GRIP1: variants seen among roughly 807,000 people sequenced by gnomAD.
GRIP1 encodes glutamate receptor-interacting protein 1.
In GRIP1, 45 loss-of-function variants were observed where a neutral mutation model predicts 129.9. The observed-to-expected ratio is 0.35, with a 90% CI of 0.27 to 0.44. The LOEUF (loss-of-function observed/expected upper bound fraction) is 0.44. GRIP1 is among the 20% of genes least tolerant of loss of function. The pLI is 1.00. For missense variants in GRIP1, 1,196 were observed against 1,396.8 expected (o/e 0.86, Z 2.29); for synonymous variants, 530 against 520.8 (o/e 1.02, Z -0.24).
At position 66,761,649 on chromosome 12, in the gene GRIP1, T is replaced by A. The variant is rs562639724; in HGVS notation, c.-420+42404A>T. Among the ~76,000 whole-genome samples the A allele has an allele frequency of 6.6e-5, 10 of 152,330 alleles. No individual in the cohort carries two copies. The East Asian group carries it at 1.9e-3, about 29-fold the overall frequency. On this transcript the variant is annotated intron_variant, in intron 1 of 4. Transcript: ENST00000538373. ...GCTTCTCAAGGACAGGTATTTCATATTGACCTGTGCCTTTCCTTTGGAGTC... is the reference window on the plus strand; with the variant it reads ...GCTTCTCAAGGACAGGTATTTCATAATGACCTGTGCCTTTCCTTTGGAGTC...
At chr12:66,668,781 A>T (rs200642078) in intron 1 of GRIP1, among the ~76,000 whole-genome samples, 15 of 151,938 alleles carry the variant, frequency 9.9e-5, no homozygotes, top group South Asian at 2.1e-4. Context: ...AAAGAAAAAA[A>T]AATAATAATA....
chr12:67,011,927 A>G (rs1358800176), intron 1 of GRIP1, among the ~76,000 whole-genome samples: 4 of 152,118 alleles, frequency 2.6e-5, no homozygotes, highest in Admixed American at 2.6e-4. Context: ...TTCTAATGAA[A>G]CTTTATTTAC....
At chr12:66,352,533 G>A (rs1486220003) in intron 24 of GRIP1, among the ~76,000 whole-genome samples, 1 of 152,116 alleles carries the variant, frequency 6.6e-6, no homozygotes, top group Non-Finnish European at 1.5e-5. Context: ...AGGAGTATGA[G>A]ACCAGCCTGG....
intron 1 of GRIP1, among the ~76,000 whole-genome samples, chr12:66,972,871 T>TA (rs2042094012): frequency 6.6e-6 from 1 of 152,180 alleles, no homozygotes; most frequent in Non-Finnish European, 1.5e-5. Flanking sequence ...GCACATTATT[T>TA]AGAGGAGAGC....
rs1466024882 is a variant in GRIP1 at position 66,754,264 on chromosome 12, A to T, written c.-420+49789T>A. On this transcript the variant is annotated intron_variant, in intron 1 of 4. Transcript: ENST00000538373. ...CAAGTAACTGAAAAAAGGTCTGCTG[A>T]ACAAATGTTAAAACTGAAAATCTGC... Among the ~76,000 whole-genome samples, 3 of 152,216 alleles carry T rather than the reference A, an allele frequency of 2.0e-5. No individual in the cohort carries two copies. The South Asian group carries it at 6.2e-4, about 31-fold the overall frequency.
intron 1 of GRIP1, among the ~76,000 whole-genome samples, chr12:66,873,525 T>C (rs1022859912): frequency 1.6e-4 from 25 of 152,126 alleles, no homozygotes; most frequent in African/African-American, 5.8e-4. Flanking sequence ...CGAAAGGGTA[T>C]GCAGACATTC....
intron 1 of GRIP1, among the ~76,000 whole-genome samples, chr12:66,864,370 G>A (rs895942165): frequency 3.3e-5 from 5 of 152,040 alleles, no homozygotes; most frequent in Admixed American, 6.5e-5. Flanking sequence ...ACACTAGGTC[G>A]ACAAAGATCA....
chr12:66,999,821 T>C (rs1480309528), intron 1 of GRIP1, among the ~76,000 whole-genome samples: 6 of 152,184 alleles, frequency 3.9e-5, no homozygotes, highest in Non-Finnish European at 8.8e-5. Context: ...TCCTTGGTCA[T>C]AGTGTGAGAT....
At chr12:67,005,264 C>T (rs2042610273) in intron 1 of GRIP1, among the ~76,000 whole-genome samples, 2 of 152,134 alleles carry the variant, frequency 1.3e-5, no homozygotes, top group Admixed American at 6.6e-5. Context: ...TCTTCCATAG[C>T]TAATCTAAAT....
chr12:66,885,420 G>A (rs1365163154), intron 1 of GRIP1, among the ~76,000 whole-genome samples: 3 of 152,262 alleles, frequency 2.0e-5, no homozygotes, highest in African/African-American at 7.2e-5. Context: ...TCTCAGGATG[G>A]TCTGAGACAA....
chr12:66,895,718 C>T (rs1220508946), intron 1 of GRIP1, among the ~76,000 whole-genome samples: 1 of 152,188 alleles, frequency 6.6e-6, no homozygotes, highest in African/African-American at 2.4e-5. Flanking sequence ...CCACTACCTC[C>T]TGCAGTTAAT....
intron 13 of GRIP1, among the ~76,000 whole-genome samples, chr12:66,434,223 C>T (rs768745025): frequency 2.6e-5 from 4 of 152,138 alleles, no homozygotes; most frequent in Non-Finnish European, 5.9e-5. Context: ...AAAAAGGATC[C>T]CCAGACTGGC....
intron 1 of GRIP1, among the ~76,000 whole-genome samples, chr12:66,783,170 A>G (rs907272238): frequency 6.6e-6 from 1 of 152,096 alleles, no homozygotes; most frequent in African/African-American, 2.4e-5. Flanking sequence ...AGCTAGGATT[A>G]CAGGCATGCA....
intron 4 of GRIP1, among the ~76,000 whole-genome samples, chr12:66,532,532 T>A (rs887784766): frequency 6.6e-6 from 1 of 152,212 alleles, no homozygotes; most frequent in Non-Finnish European, 1.5e-5. Context: ...CAATAGGAGT[T>A]GTGAACTTTC....
intron 1 of GRIP1, among the ~76,000 whole-genome samples, chr12:66,932,738 G>A (rs1034957090): frequency 3.3e-5 from 5 of 151,914 alleles, no homozygotes; most frequent in African/African-American, 7.3e-5. Flanking sequence ...GCATGATCTC[G>A]GCTCATTGCA....
chr12:66,882,793 T>C (rs1475668317), intron 1 of GRIP1, among the ~76,000 whole-genome samples: 1 of 152,184 alleles, frequency 6.6e-6, no homozygotes, highest in Non-Finnish European at 1.5e-5. Flanking sequence ...TGGTCTCCTT[T>C]TAGCTTCACA....
At chr12:66,924,469 T>C (rs1483081778) in intron 1 of GRIP1, among the ~76,000 whole-genome samples, 3 of 152,218 alleles carry the variant, frequency 2.0e-5, no homozygotes, top group African/African-American at 7.2e-5. Flanking sequence ...CATCATTAGC[T>C]GAAAGAGGCA....
chr12:66,806,957 C>T (rs2039006000), upstream of GRIP1, among the ~76,000 whole-genome samples: 1 of 151,890 alleles, frequency 6.6e-6, no homozygotes, highest in Non-Finnish European at 1.5e-5. Flanking sequence ...TGTAAAAGCT[C>T]ATTACAACAA....
intron 1 of GRIP1, among the ~76,000 whole-genome samples, chr12:66,893,353 C>T (rs1294547764): frequency 6.6e-6 from 1 of 152,156 alleles, no homozygotes; most frequent in East Asian, 1.9e-4. Context: ...GATCCTCCCA[C>T]CTCAGCCTCC....
Sources: gnomAD v4.1 joint callset for allele counts (sites outside exome capture counted in the v4.1 genomes callset) on GRCh38, gnomAD v4.1.1 for gene constraint, MANE v1.5 for transcripts, NCBI Gene and HGNC (gene_info 2026-07-23, HGNC 2026-07-21) for gene names.